Variants in TMEM132C observed in about 807,000 individuals in gnomAD.
The protein encoded by TMEM132C is transmembrane protein 132C, also known as protein phosphatase 1, regulatory subunit 152.
Under a neutral mutation model 61.4 loss-of-function variants are expected in TMEM132C, and 29 were observed. That is an observed-to-expected ratio of 0.47 (90% CI 0.35 to 0.64). The LOEUF (loss-of-function observed/expected upper bound fraction) is 0.64. Ranked by LOEUF, TMEM132C falls within the 30% of genes least tolerant of loss-of-function variation. The pLI, the probability that TMEM132C is intolerant of heterozygous loss-of-function variation, is 0.00. For missense variants in TMEM132C, 1,408 were observed against 1,476.9 expected (o/e 0.95, Z 0.76); for synonymous variants, 656 against 633.1 (o/e 1.04, Z -0.54).
At chr12:128,368,038 A>G (rs1406113938) in intron 1 of TMEM132C, among the ~76,000 whole-genome samples, 1 of 152,202 alleles carries the variant, frequency 6.6e-6, no homozygotes, top group Non-Finnish European at 1.5e-5. Flanking sequence ...GGCTTTATAC[A>G]TGGCAACTTT....
chr12:128,438,267 C>T (rs1467075189), intron 2 of TMEM132C: 1 of 152,038 alleles, frequency 6.6e-6, no homozygotes. Context: ...GGGGTAGATT[C>T]ATCATGAATA....
rs11059678 is a variant in TMEM132C, at chr12:128,403,255, G to C, written c.86-11477G>C. Among the ~76,000 whole-genome samples, 80 of 152,314 alleles carry C rather than the reference G, an allele frequency of 5.3e-4. 1 individual carries two copies. In the East Asian group the frequency reaches 0.015, roughly 29 times the overall value. On this transcript the variant is annotated intron_variant, in intron 1 of 8. Transcript: ENST00000435159. ...GAGGAAAAAATATTCAGGCTTGCTT[G>C]TGTTTCAAGTAAGCTGCAGTGACTT...
intron 2 of TMEM132C, among the ~76,000 whole-genome samples, chr12:128,489,935 G>A (rs751300507): frequency 9.2e-5 from 14 of 152,158 alleles, no homozygotes; most frequent in African/African-American, 3.1e-4. Flanking sequence ...TCGTCCACGT[G>A]TATGCCACCA....
At chr12:128,465,940 G>A (rs902872349) in intron 2 of TMEM132C, among the ~76,000 whole-genome samples, 2 of 152,180 alleles carry the variant, frequency 1.3e-5, no homozygotes, top group African/African-American at 2.4e-5. Context: ...AAGGGAAGGC[G>A]AGTGAAGCAC....
intron 4 of TMEM132C, among the ~76,000 whole-genome samples, chr12:128,658,919 G>T (rs1954357298): frequency 6.6e-6 from 1 of 152,242 alleles, no homozygotes; most frequent in Non-Finnish European, 1.5e-5. Flanking sequence ...TGGTGGATCA[G>T]AGGCTGTAAC....
At position 128,338,802 on chromosome 12, in the gene TMEM132C, T is replaced by G. The variant is rs575617635; in HGVS notation, c.85+71315T>G. Reference sequence around the variant, plus strand: ...TTTTGCACAAAGATGAAATCCGTCCTAGGGTCTTAAGATTTATTAACTGTT... The same window carrying G: ...TTTTGCACAAAGATGAAATCCGTCCGAGGGTCTTAAGATTTATTAACTGTT... On this transcript the variant is annotated intron_variant, in intron 1 of 8. Transcript: ENST00000435159. Among the ~76,000 whole-genome samples the G allele has an allele frequency of 3.5e-5, 5 of 143,660 alleles. No individual in the cohort carries two copies. The South Asian group carries it at 1.0e-3, about 30-fold the overall frequency. The allele number at this position is 143,660 out of a possible 152,430, so 94.2% of individuals were successfully genotyped here.
At chr12:128,573,337 C>A (rs1333545596) in intron 3 of TMEM132C, among the ~76,000 whole-genome samples, 1 of 151,826 alleles carries the variant, frequency 6.6e-6, no homozygotes, top group Admixed American at 6.6e-5. Flanking sequence ...TCATTCTGAG[C>A]AAACTATCAC....
chr12:128,513,057 G>T (rs1872616319), intron 2 of TMEM132C, among the ~76,000 whole-genome samples: 1 of 152,142 alleles, frequency 6.6e-6, no homozygotes, highest in Admixed American at 6.5e-5. Flanking sequence ...AGGGAGAGGT[G>T]CTGTGAGGAG....
chr12:128,369,012 C>A (rs1873953135), intron 1 of TMEM132C, among the ~76,000 whole-genome samples: 1 of 152,168 alleles, frequency 6.6e-6, no homozygotes, highest in African/African-American at 2.4e-5. Context: ...GGGGGCATTT[C>A]AGTGTCCTGA....
chr12:128,509,143 A>G (rs1376532735), intron 2 of TMEM132C, among the ~76,000 whole-genome samples: 1 of 152,212 alleles, frequency 6.6e-6, no homozygotes, highest in Non-Finnish European at 1.5e-5. Context: ...AACCAAAGCA[A>G]CAAATGACTG....
chr12:128,486,905 ACACACACACACACACAG>A (rs1565950560), intron 2 of TMEM132C, among the ~76,000 whole-genome samples: 4,753 of 129,328 alleles, frequency 0.037, 89 homozygotes, highest in African/African-American at 0.047. Context: ...ACACACACAC[ACACACACACACACACAG>A]CTCAGCACTT....
intron 1 of TMEM132C, among the ~76,000 whole-genome samples, chr12:128,321,138 A>AAATAATAAT (rs58166037): frequency 1.9e-4 from 27 of 143,766 alleles, no homozygotes; most frequent in African/African-American, 4.1e-4. Flanking sequence ...CATTTTTGAA[A>AAATAATAAT]AATAATAATA....
chr12:128,448,655 C>T (rs1870074111), intron 2 of TMEM132C, among the ~76,000 whole-genome samples: 1 of 152,112 alleles, frequency 6.6e-6, no homozygotes. Context: ...GAAACAGATC[C>T]CACTTCTTAA....
chr12:128,677,425 C>T (rs1433114355), intron 5 of TMEM132C, among the ~76,000 whole-genome samples: 5 of 151,830 alleles, frequency 3.3e-5, no homozygotes, highest in South Asian at 2.1e-4. Flanking sequence ...GAGAATCTTA[C>T]GGAGATGATG....
At chr12:128,472,195 G>A (rs1035794905) in intron 2 of TMEM132C, among the ~76,000 whole-genome samples, 1 of 152,028 alleles carries the variant, frequency 6.6e-6, no homozygotes, top group Non-Finnish European at 1.5e-5. Context: ...ATAATAACTC[G>A]GGTTTCTATA....
chr12:128,305,584 AAACCAC>A (rs1290477841), intron 1 of TMEM132C, among the ~76,000 whole-genome samples: 1 of 151,834 alleles, frequency 6.6e-6, no homozygotes, highest in African/African-American at 2.4e-5. Context: ...TGGAATGACA[AAACCAC>A]AGCTGTTAAA....
chr12:128,692,441 A>T (rs909801096), intron 5 of TMEM132C, among the ~76,000 whole-genome samples: 10 of 152,218 alleles, frequency 6.6e-5, no homozygotes, highest in Admixed American at 2.6e-4. Context: ...GACCAATTTA[A>T]ATCACATCTG....
At chr12:128,321,848 C>T (rs563844463) in intron 1 of TMEM132C, among the ~76,000 whole-genome samples, 11 of 152,156 alleles carry the variant, frequency 7.2e-5, no homozygotes, top group African/African-American at 2.2e-4. Flanking sequence ...AAGACATTCT[C>T]GGAGATCACC....
In TMEM132C at chr12:128,590,084, A is replaced by T. The variant is rs150298928; in HGVS notation, c.1122-26068A>T. 3.4e-4 allele frequency among the ~76,000 whole-genome samples: 52 copies of T among 152,318 alleles called. 1 individual carries two copies. Among genetic ancestry groups the T allele is most frequent in the African/African-American group, 1.2e-3 (51 of 41,568 alleles). ...TTCTCTGGGATATGGAGGCTTTGGGAGATTGACGAAGGCCTACCCATGGGC... is the reference window on the plus strand; with the variant it reads ...TTCTCTGGGATATGGAGGCTTTGGGTGATTGACGAAGGCCTACCCATGGGC... On this transcript the variant is annotated intron_variant, in intron 3 of 8. Transcript: ENST00000435159.
Sources: gnomAD v4.1 joint callset for allele counts (sites outside exome capture counted in the v4.1 genomes callset) on GRCh38, gnomAD v4.1.1 for gene constraint, MANE v1.5 for transcripts, NCBI Gene and HGNC (gene_info 2026-07-23, HGNC 2026-07-21) for gene names.